PPP3CA: variants seen among roughly 807,000 people sequenced by gnomAD.
PPP3CA encodes protein phosphatase 3 catalytic subunit alpha.
PPP3CA carries 14 observed loss-of-function variants against 66.5 expected under a neutral mutation model. The observed-to-expected ratio is 0.21, with a 90% CI of 0.14 to 0.33. The LOEUF is 0.33. PPP3CA is among the 10% of genes least tolerant of loss of function. The pLI is 1.00. For missense variants in PPP3CA, 317 were observed against 639.5 expected (o/e 0.50, Z 5.44); for synonymous variants, 232 against 226.2 (o/e 1.03, Z -0.23).
chr4:101,081,713 A>G (rs1253673062), intron 7 of PPP3CA, among the ~76,000 whole-genome samples: 1 of 152,234 alleles, frequency 6.6e-6, no homozygotes, highest in African/African-American at 2.4e-5. Context: ...CTTAACATTT[A>G]TAATTTTAAA....
chr4:101,205,109 T>C (rs1282391304), intron 1 of PPP3CA, among the ~76,000 whole-genome samples: 2 of 151,910 alleles, frequency 1.3e-5, no homozygotes, highest in Admixed American at 6.6e-5. Context: ...ATTTATACAT[T>C]TATTTTTTGG....
chr4:101,328,561 T>C (rs1259156036), intron 1 of PPP3CA, among the ~76,000 whole-genome samples: 1 of 152,208 alleles, frequency 6.6e-6, no homozygotes, highest in African/African-American at 2.4e-5. Context: ...GCAACAAAAA[T>C]ATGAAAATGA....
chr4:101,325,331 G>A (rs1729176173), intron 1 of PPP3CA, among the ~76,000 whole-genome samples: 1 of 152,154 alleles, frequency 6.6e-6, no homozygotes, highest in Non-Finnish European at 1.5e-5. Context: ...CATGCTTCCA[G>A]GCAATGCTGA....
chr4:101,311,572 G>C (rs1172096462), intron 1 of PPP3CA, among the ~76,000 whole-genome samples: 2 of 152,100 alleles, frequency 1.3e-5, no homozygotes, highest in African/African-American at 2.4e-5. Context: ...TTGAGGTCAG[G>C]AGTTCAAGAC....
chr4:101,248,999 A>T (rs1726581848), intron 1 of PPP3CA, among the ~76,000 whole-genome samples: 1 of 151,476 alleles, frequency 6.6e-6, no homozygotes, highest in African/African-American at 2.4e-5. Context: ...TCTCTACTAA[A>T]AATACAAAAA....
intron 2 of PPP3CA, among the ~76,000 whole-genome samples, chr4:101,137,484 G>A (rs2110288222): frequency 6.6e-6 from 1 of 152,142 alleles, no homozygotes; most frequent in African/African-American, 2.4e-5. Flanking sequence ...ACCTGTCCAG[G>A]CTCTCCCAGG....
chr4:101,137,315 G>T (rs940960266), intron 2 of PPP3CA, among the ~76,000 whole-genome samples: 8 of 152,030 alleles, frequency 5.3e-5, no homozygotes, highest in African/African-American at 1.9e-4. Flanking sequence ...AAGGCAAGAT[G>T]GGGGGAGTAG....
intron 1 of PPP3CA, among the ~76,000 whole-genome samples, chr4:101,276,214 A>G (rs1243225076): frequency 6.6e-6 from 1 of 152,022 alleles, no homozygotes; most frequent in Admixed American, 6.6e-5. Context: ...TTTTGTATCG[A>G]GATTACGGAA....
At chr4:101,153,055 G>T (rs910089341) in intron 2 of PPP3CA, among the ~76,000 whole-genome samples, 1 of 152,146 alleles carries the variant, frequency 6.6e-6, no homozygotes, top group African/African-American at 2.4e-5. Context: ...AGATTAAGGG[G>T]AAAGGACCAA....
intron 2 of PPP3CA, among the ~76,000 whole-genome samples, chr4:101,184,362 T>C (rs1305511574): frequency 1.3e-5 from 2 of 152,204 alleles, no homozygotes; most frequent in Admixed American, 6.5e-5. Context: ...AAGGCTCTTA[T>C]TGCCAAGCTT....
intron 1 of PPP3CA, among the ~76,000 whole-genome samples, chr4:101,213,786 T>C (rs989629470): frequency 1.3e-5 from 2 of 152,124 alleles, no homozygotes; most frequent in Non-Finnish European, 2.9e-5. Context: ...TCCGAGAGTC[T>C]TGACTCCAAA....
intron 2 of PPP3CA, among the ~76,000 whole-genome samples, chr4:101,156,453 GGCAGATC>G (rs1310471243): frequency 6.6e-6 from 1 of 152,214 alleles, no homozygotes; most frequent in African/African-American, 2.4e-5. Context: ...GGCTGAGGCC[GGCAGATC>G]ACCTGAAGTC....
intron 1 of PPP3CA, among the ~76,000 whole-genome samples, chr4:101,278,340 T>A (rs1455268293): frequency 6.6e-6 from 1 of 152,036 alleles, no homozygotes; most frequent in Non-Finnish European, 1.5e-5. Flanking sequence ...TATTACCCCA[T>A]TACCCCAAAT....
chr4:101,121,166 TAA>T (rs35296399), intron 2 of PPP3CA, among the ~76,000 whole-genome samples: 1 of 152,074 alleles, frequency 6.6e-6, no homozygotes, highest in East Asian at 1.9e-4. Flanking sequence ...CTAGAATTGC[TAA>T]AAAGATCAGT....
At chr4:101,134,225 C>T (rs1266555960) in intron 2 of PPP3CA, among the ~76,000 whole-genome samples, 2 of 151,984 alleles carry the variant, frequency 1.3e-5, no homozygotes, top group African/African-American at 4.8e-5. Context: ...GCAACAAAAC[C>T]CAAAATTGAC....
At chr4:101,262,428 T>C (rs556401512) in intron 1 of PPP3CA, among the ~76,000 whole-genome samples, 7 of 152,274 alleles carry the variant, frequency 4.6e-5, no homozygotes, top group African/African-American at 1.4e-4. Context: ...TATTTATTTT[T>C]TGTCTGGGTT....
chr4:101,074,808 T>A (rs534065568), intron 8 of PPP3CA, among the ~76,000 whole-genome samples: 1 of 152,224 alleles, frequency 6.6e-6, no homozygotes, highest in African/African-American at 2.4e-5. Flanking sequence ...TTTTTCCCTA[T>A]CAAAAAGGAT....
chr4:101,109,674 A>G (rs978356249), intron 2 of PPP3CA, among the ~76,000 whole-genome samples: 1 of 145,248 alleles, frequency 6.9e-6, no homozygotes, highest in African/African-American at 2.6e-5. Flanking sequence ...AAAAAAAAAA[A>G]CTCCAATTAA....
chr4:101,284,033 T>C (rs1040847462), intron 1 of PPP3CA, among the ~76,000 whole-genome samples: 1 of 152,226 alleles, frequency 6.6e-6, no homozygotes, highest in Non-Finnish European at 1.5e-5. Flanking sequence ...CATATGACTA[T>C]TGACTACCAT....
Sources: gnomAD v4.1 joint callset for allele counts (sites outside exome capture counted in the v4.1 genomes callset) on GRCh38, gnomAD v4.1.1 for gene constraint, MANE v1.5 for transcripts, NCBI Gene and HGNC (gene_info 2026-07-23, HGNC 2026-07-21) for gene names.